Variants in TLL1 observed in about 807,000 individuals in gnomAD.
TLL1 encodes the protein tolloid-like protein 1.
A neutral mutation model predicts 128.2 loss-of-function variants in TLL1; 49 were observed. That is an observed-to-expected ratio of 0.38 (90% CI 0.30 to 0.48). The LOEUF (loss-of-function observed/expected upper bound fraction) is 0.48. TLL1 is among the 20% of genes least tolerant of loss of function. TLL1 has a pLI of 0.96. For synonymous variants in TLL1, 454 were observed against 418.8 expected (o/e 1.08, Z -1.03); for missense variants, 1,123 against 1,242.0 (o/e 0.90, Z 1.44).
At chr4:165,989,110 A>T (rs1166791940) in intron 1 of TLL1, among the ~76,000 whole-genome samples, 1 of 152,116 alleles carries the variant, frequency 6.6e-6, no homozygotes, top group African/African-American at 2.4e-5. Context: ...CTTTATTTAG[A>T]ATCTCCATAA....
chr4:166,097,378 T>G (rs1395184461), intron 19 of TLL1, among the ~76,000 whole-genome samples: 1 of 152,116 alleles, frequency 6.6e-6, no homozygotes, highest in East Asian at 1.9e-4. Flanking sequence ...TTTGTAATAG[T>G]GGCACCTCTA....
intron 1 of TLL1, among the ~76,000 whole-genome samples, chr4:165,913,629 A>G (rs1040233453): frequency 3.0e-4 from 45 of 152,164 alleles, no homozygotes; most frequent in African/African-American, 9.9e-4. Context: ...CTGTCTCTTA[A>G]TAGCCATTTA....
At chr4:165,882,713 G>C (rs1467575805) in intron 1 of TLL1, among the ~76,000 whole-genome samples, 1 of 152,080 alleles carries the variant, frequency 6.6e-6, no homozygotes, top group Non-Finnish European at 1.5e-5. Context: ...CCGCCTCCCA[G>C]GTTCAAGGGA....
rs1195091634 is a variant in TLL1, at chr4:165,989,446, A to T, written c.235A>T (p.Ile79Phe). Residue 79 changes from isoleucine (I) to phenylalanine (F), a missense_variant, in exon 2 of 21, where the codon ATT becomes TTT. Physicochemically the swap from Ile to Phe is conservative, Grantham distance 21. This residue lies in a region of TLL1 where 480 missense variants were observed against 542.4 expected (regional missense o/e 0.89). Coordinates refer to ENST00000061240, the MANE Select transcript of TLL1 (RefSeq NM_012464.5). ...AAATATCTTTCAAATAGATAGGACA[A>T]TTGACCTTACGCAGAACCCCTTTGG... is the stretch of plus-strand genomic sequence containing the variant. ...DLNIFQIDRT[I>F]DLTQNPFGNL... is the part of the protein sequence containing the mutation. The T allele has an allele frequency of 1.2e-6, 2 of 1,612,994 alleles. No individual in the cohort carries two copies. Among genetic ancestry groups the T allele is most frequent in the South Asian group, 1.1e-5 (1 of 91,068 alleles).
At chr4:165,911,805 A>G (rs1732543975) in intron 1 of TLL1, among the ~76,000 whole-genome samples, 1 of 152,128 alleles carries the variant, frequency 6.6e-6, no homozygotes, top group South Asian at 2.1e-4. Flanking sequence ...CTTGTAATTA[A>G]TGGGTCTGTT....
intron 1 of TLL1, among the ~76,000 whole-genome samples, chr4:165,965,436 T>C (rs1221242501): frequency 6.6e-6 from 1 of 152,192 alleles, no homozygotes; most frequent in Non-Finnish European, 1.5e-5. Context: ...CAAAACCCTG[T>C]GTTAAATTGG....
intron 15 of TLL1, among the ~76,000 whole-genome samples, chr4:166,060,421 A>G (rs1740254866): frequency 6.6e-6 from 1 of 152,092 alleles, no homozygotes; most frequent in Non-Finnish European, 1.5e-5. Context: ...TAGTGTATTT[A>G]ATATTTACCA....
At chr4:165,931,937 C>T (rs548210385) in intron 1 of TLL1, among the ~76,000 whole-genome samples, 1 of 152,166 alleles carries the variant, frequency 6.6e-6, no homozygotes, top group South Asian at 2.1e-4. Flanking sequence ...GGAGGTCAGG[C>T]GAGTGACTCA....
intron 15 of TLL1, among the ~76,000 whole-genome samples, chr4:166,061,896 A>G (rs1304952312): frequency 6.6e-6 from 1 of 152,146 alleles, no homozygotes; most frequent in Non-Finnish European, 1.5e-5. Flanking sequence ...ATTTTTGTAT[A>G]AGGTGTAAGG....
intron 1 of TLL1, among the ~76,000 whole-genome samples, chr4:165,920,369 ATTG>A (rs1478603960): frequency 2.0e-5 from 3 of 152,190 alleles, no homozygotes; most frequent in Admixed American, 6.5e-5. Flanking sequence ...GAGTTAGAGA[ATTG>A]TTGTTGAGCA....
intron 1 of TLL1, among the ~76,000 whole-genome samples, chr4:165,976,803 G>C (rs925688429): frequency 2.0e-5 from 3 of 152,212 alleles, no homozygotes; most frequent in Non-Finnish European, 2.9e-5. Flanking sequence ...TATCCATGTA[G>C]ATCAAGCATG....
chr4:166,091,250 T>C lies in TLL1; in HGVS notation c.2565T>C (p.Asp855=), dbSNP rs1741765183. 1 of 1,613,142 alleles carries C rather than the reference T, an allele frequency of 6.2e-7. No homozygotes were observed. Among genetic ancestry groups the C allele is most frequent in the Admixed American group, 1.7e-5 (1 of 59,934 alleles). The part of the protein sequence containing the change: ...LGRLCGNKIP[D]PLVATGNKMF... ...GACTGTGTGGCAACAAGATACCAGATCCCCTTGTGGCTACTGGAAATAAAA... is the reference window on the plus strand; with the variant it reads ...GACTGTGTGGCAACAAGATACCAGACCCCCTTGTGGCTACTGGAAATAAAA... The change falls in exon 19 of 21, where the codon GAT becomes GAC. Residue 855 remains aspartate, a synonymous_variant. Coordinates refer to ENST00000061240, the MANE Select transcript of TLL1 (RefSeq NM_012464.5).
chr4:165,948,939 G>T (rs182541805), intron 1 of TLL1, among the ~76,000 whole-genome samples: 12 of 152,162 alleles, frequency 7.9e-5, no homozygotes, highest in Admixed American at 7.9e-4. Context: ...CCTCTCTTCT[G>T]GTTATTCAAT....
In TLL1 at chr4:165,931,457, A is replaced by G. The variant is rs532258900; in HGVS notation, c.169+57384A>G. Among the ~76,000 whole-genome samples, 327 of 152,250 alleles carry G rather than the reference A, an allele frequency of 2.1e-3. 1 individual carries two copies. Among genetic ancestry groups the G allele is most frequent in the African/African-American group, 6.3e-3 (263 of 41,536 alleles). On this transcript the variant is annotated intron_variant, in intron 1 of 20. Transcript: ENST00000061240. ...TGATTGGCCAGGCGTGGTCATTCAC[A>G]CCTGTAATCCCAGCACTTTGGGAGG...
At chr4:165,982,736 T>A (rs1475240765) in intron 1 of TLL1, among the ~76,000 whole-genome samples, 4 of 137,770 alleles carry the variant, frequency 2.9e-5, no homozygotes, top group South Asian at 2.3e-4. Context: ...GCAATGTATG[T>A]AAAAAAAAAA....
At chr4:166,039,617 T>C (rs1739154515) in intron 10 of TLL1, among the ~76,000 whole-genome samples, 176 bp downstream of exon 10, 1 of 152,176 alleles carries the variant, frequency 6.6e-6, no homozygotes, top group South Asian at 2.1e-4. Flanking sequence ...AATGGATAAA[T>C]ACATTGACTG....
intron 1 of TLL1, among the ~76,000 whole-genome samples, chr4:165,928,438 A>G (rs1733367680): frequency 6.6e-6 from 1 of 152,150 alleles, no homozygotes; most frequent in South Asian, 2.1e-4. Flanking sequence ...CCTCTGAGAG[A>G]GGATGGAATT....
chr4:166,044,531 T>C, intron 12 of TLL1: 1 of 1,020,032 alleles, frequency 9.8e-7, no homozygotes, highest in South Asian at 1.6e-5. Flanking sequence ...ATATATACTT[T>C]CTACTTTAAT....
intron 19 of TLL1, among the ~76,000 whole-genome samples, chr4:166,093,960 C>A (rs1195321454): frequency 2.6e-5 from 4 of 152,036 alleles, no homozygotes; most frequent in Non-Finnish European, 5.9e-5. Context: ...GTGGCTGGGG[C>A]AAAGTTACAA....
Sources: gnomAD v4.1 joint callset for allele counts (sites outside exome capture counted in the v4.1 genomes callset) on GRCh38, gnomAD v4.1.1 for gene constraint, gnomAD v4.1.1 regional missense constraint, MANE v1.5 for transcripts, NCBI Gene and HGNC (gene_info 2026-07-23, HGNC 2026-07-21) for gene names.